Variants in CACNB4 observed in about 807,000 individuals in gnomAD.
CACNB4 encodes the protein voltage-dependent L-type calcium channel subunit beta-4.
In CACNB4, 32 loss-of-function variants were observed where a neutral mutation model predicts 71.2. The ratio of observed to expected loss-of-function variants is 0.45; its 90% CI spans 0.34 to 0.60. CACNB4 has a LOEUF of 0.60. Among genes scored for constraint, CACNB4 ranks in the 20% least tolerant of loss-of-function variants. The pLI is 0.01. For synonymous variants in CACNB4, 231 were observed against 236.9 expected (o/e 0.97, Z 0.23); for missense variants, 464 against 647.9 (o/e 0.72, Z 3.08).
At chr2:152,023,848 T>C (rs907924338) in intron 2 of CACNB4, among the ~76,000 whole-genome samples, 4 of 152,254 alleles carry the variant, frequency 2.6e-5, no homozygotes, top group African/African-American at 9.6e-5. Context: ...TGAAAACATT[T>C]ATGTTATCAC....
chr2:151,968,068 A>G (rs899970115), intron 2 of CACNB4: 2 of 152,214 alleles, frequency 1.3e-5, no homozygotes, highest in Non-Finnish European at 2.9e-5. Context: ...ACACAGTTTT[A>G]TCTTAGACTC....
intron 2 of CACNB4, among the ~76,000 whole-genome samples, chr2:152,038,369 A>C (rs986642670): frequency 1.3e-5 from 2 of 152,202 alleles, no homozygotes; most frequent in African/African-American, 4.8e-5. Flanking sequence ...AGCCAAATTC[A>C]GACTGTATAT....
chr2:152,078,073 G>C (rs542284284), intron 2 of CACNB4, among the ~76,000 whole-genome samples: 8 of 152,318 alleles, frequency 5.3e-5, no homozygotes, highest in Admixed American at 5.2e-4. Context: ...GCGATGGAGG[G>C]AGGTGGCTGG....
chr2:152,023,918 A>G (rs1683820677), intron 2 of CACNB4, among the ~76,000 whole-genome samples: 2 of 152,270 alleles, frequency 1.3e-5, no homozygotes, highest in South Asian at 2.1e-4. Context: ...CTGGAGGCAC[A>G]TATCTGTTTA....
At chr2:151,897,533 A>G (rs1040666723) in intron 2 of CACNB4, among the ~76,000 whole-genome samples, 4 of 152,256 alleles carry the variant, frequency 2.6e-5, no homozygotes, top group Non-Finnish European at 5.9e-5. Flanking sequence ...TAGAAAAAAA[A>G]GTAACTAGAT....
intron 2 of CACNB4, among the ~76,000 whole-genome samples, chr2:151,889,465 C>CA (rs55990443): frequency 0.15 from 14,140 of 94,498 alleles, 1,536 homozygotes; most frequent in East Asian, 0.56. Context: ...GACTCTGTCT[C>CA]AAAAAAAAAA....
chr2:152,035,527 T>C lies in CACNB4; in HGVS notation c.147+62803A>G, dbSNP rs529952687. On this transcript the variant is annotated intron_variant, in intron 2 of 13. Transcript: ENST00000539935. ...GTGAGCTGAGATCGTGCCATTGCAC[T>C]CCAGCCTGGGCAACAGAGCGAAACT... Among the ~76,000 whole-genome samples, 19 of 152,084 alleles carry C rather than the reference T, an allele frequency of 1.2e-4. No homozygotes were observed. The East Asian group carries it at 3.7e-3, about 30-fold the overall frequency.
At chr2:152,058,810 T>G (rs972203185) in intron 2 of CACNB4, among the ~76,000 whole-genome samples, 1 of 152,242 alleles carries the variant, frequency 6.6e-6, no homozygotes, top group African/African-American at 2.4e-5. Context: ...ACCTTCACAG[T>G]GGCCCCTCCC....
intron 2 of CACNB4, among the ~76,000 whole-genome samples, chr2:151,928,029 G>A (rs774567236): frequency 8.5e-5 from 13 of 152,190 alleles, no homozygotes; most frequent in Non-Finnish European, 1.9e-4. Context: ...CTGGGTATGA[G>A]GCAGCAGAAC....
At chr2:151,941,308 G>C (rs1016931720) in intron 2 of CACNB4, among the ~76,000 whole-genome samples, 1 of 124,436 alleles carries the variant, frequency 8.0e-6, no homozygotes, top group African/African-American at 3.2e-5. Context: ...TTTAGCTTGC[G>C]TCTCGCTCTG....
chr2:151,930,599 A>G (rs1433871199), intron 2 of CACNB4, among the ~76,000 whole-genome samples: 2 of 152,150 alleles, frequency 1.3e-5, no homozygotes, highest in African/African-American at 2.4e-5. Context: ...GGGATTGGTG[A>G]AACAAATATT....
chr2:152,017,604 A>C, intron 2 of CACNB4, among the ~76,000 whole-genome samples: 1 of 151,818 alleles, frequency 6.6e-6, no homozygotes, highest in South Asian at 2.1e-4. Context: ...GCTACTTGGG[A>C]GGCTGAGGCA....
chr2:152,021,104 A>G (rs1366438171), intron 2 of CACNB4, among the ~76,000 whole-genome samples: 1 of 151,940 alleles, frequency 6.6e-6, no homozygotes, highest in African/African-American at 2.4e-5. Context: ...ACACCACACC[A>G]GGTGTGGTGG....
At chr2:152,027,670 G>A (rs1413744629) in intron 2 of CACNB4, among the ~76,000 whole-genome samples, 8 of 152,144 alleles carry the variant, frequency 5.3e-5, no homozygotes, top group Middle Eastern at 3.4e-3. Flanking sequence ...TGACCCACAC[G>A]GTGAAACCCA....
chr2:151,924,073 C>CTTTTTTTTTTTTTTTT (rs59036016), intron 2 of CACNB4, among the ~76,000 whole-genome samples: 1 of 91,418 alleles, frequency 1.1e-5, no homozygotes, highest in Non-Finnish European at 1.9e-5. Flanking sequence ...ATTCTGAAAT[C>CTTTTTTTTTTTTTTTT]TTTTTTTTTT....
chr2:151,908,887 T>C (rs1015857817), intron 2 of CACNB4, among the ~76,000 whole-genome samples: 1 of 152,136 alleles, frequency 6.6e-6, no homozygotes, highest in Non-Finnish European at 1.5e-5. Flanking sequence ...ATTTGGGGCA[T>C]ATTTAAATGG....
At position 152,004,389 on chromosome 2, in the gene CACNB4, G is replaced by T. The variant is rs182347774; in HGVS notation, c.147+93941C>A. The stretch of plus-strand genomic sequence containing the variant: ...CTGCCCTTCTGTGCAACTTAATTTA[G>T]CATATATTGGTCACACTTCTGCCCT... On this transcript the variant is annotated intron_variant, in intron 2 of 13. Transcript: ENST00000539935. 2.0e-5 allele frequency among the ~76,000 whole-genome samples: 3 copies of T among 152,136 alleles called. No homozygotes were observed. The East Asian group carries it at 5.8e-4, about 29-fold the overall frequency.
At chr2:151,863,447 A>C (rs1416964212) in intron 9 of CACNB4, among the ~76,000 whole-genome samples, 1 of 152,206 alleles carries the variant, frequency 6.6e-6, no homozygotes, top group African/African-American at 2.4e-5. Context: ...GGCATGTTTC[A>C]GAGCAATCCA....
intron 2 of CACNB4, chr2:151,973,044 G>A (rs2099873039): frequency 1.3e-5 from 2 of 152,192 alleles, no homozygotes; most frequent in African/African-American, 4.8e-5. Flanking sequence ...CTGACCTAGG[G>A]GGGAGAAGGA....
Sources: allele counts gnomAD v4.1 joint callset (sites outside exome capture counted in the v4.1 genomes callset), GRCh38; gene constraint gnomAD v4.1.1; transcripts MANE v1.5; gene names NCBI Gene and HGNC (gene_info 2026-07-23, HGNC 2026-07-21).